Variants in SERPINA12 observed in about 807,000 individuals in gnomAD.
SERPINA12 encodes serpin family A member 12.
A neutral mutation model predicts 25.9 loss-of-function variants in SERPINA12; 21 were observed. That is an observed-to-expected ratio of 0.81 (90% CI 0.58 to 1.17). The LOEUF is 1.17. Ranked by LOEUF, SERPINA12 falls within the 50% of genes most tolerant of loss-of-function variation. SERPINA12 has a pLI of 0.00. For missense variants in SERPINA12, 562 were observed against 508.3 expected (o/e 1.11, Z -1.02); for synonymous variants, 220 against 196.0 (o/e 1.12, Z -1.02).
At chr14:94,517,352 A>G (rs1438405564) in intron 1 of SERPINA12, 2 of 152,200 alleles carry the variant, frequency 1.3e-5, no homozygotes, top group Non-Finnish European at 2.9e-5. Flanking sequence ...CTTCCCTACA[A>G]GAGGTACCTC....
At chr14:94,505,296 C>T (rs1489706003) in intron 1 of SERPINA12, among the ~76,000 whole-genome samples, 1 of 152,200 alleles carries the variant, frequency 6.6e-6, no homozygotes, top group African/African-American at 2.4e-5. Flanking sequence ...CCTGGTTCAG[C>T]CACAGACTCT....
chr14:94,499,307 C>G (rs1188690981), intron 1 of SERPINA12, among the ~76,000 whole-genome samples: 1 of 152,160 alleles, frequency 6.6e-6, no homozygotes, highest in Non-Finnish European at 1.5e-5. Context: ...CTGCCTGGCT[C>G]TGGACTGCTG....
At position 94,489,729 on chromosome 14, in the gene SERPINA12, C is replaced by A. The variant is rs1241016712; in HGVS notation, c.944G>T (p.Gly315Val). The A allele has an allele frequency of 6.2e-7, 1 of 1,614,148 alleles. No homozygotes were observed. The highest frequency in any genetic ancestry group is 8.5e-7 in the Non-Finnish European group (1 of 1,180,014). ...DVSVPRLHMTGTFDLKKTLSY... is the reference protein window; with the variant it reads ...DVSVPRLHMTVTFDLKKTLSY... ...GAGAGTCTTCTTCAGGTCGAAGGTGCCCGTCATGTGGAGTCTGGGTACAGA... is the reference window on the plus strand; with the variant it reads ...GAGAGTCTTCTTCAGGTCGAAGGTGACCGTCATGTGGAGTCTGGGTACAGA... The change falls in exon 4 of 5, where the codon GGC becomes GTC. Residue 315 changes from glycine (G) to valine (V), a missense_variant. Gly to Val is a moderately radical substitution (Grantham distance 109). Transcript: ENST00000677451.
intron 3 of SERPINA12, among the ~76,000 whole-genome samples, chr14:94,490,849 A>G (rs1900149745): frequency 6.6e-6 from 1 of 152,090 alleles, no homozygotes; most frequent in African/African-American, 2.4e-5. Flanking sequence ...AAGGTGAAGC[A>G]TTCCAGGTCC....
At chr14:94,499,804 C>T (rs1002304627) in intron 1 of SERPINA12, among the ~76,000 whole-genome samples, 1 of 152,190 alleles carries the variant, frequency 6.6e-6, no homozygotes, top group African/African-American at 2.4e-5. Context: ...GCCTGGTCCA[C>T]AGTGGGAGGG....
At chr14:94,508,761 C>A (rs1309126018) in intron 1 of SERPINA12, among the ~76,000 whole-genome samples, 1 of 152,078 alleles carries the variant, frequency 6.6e-6, no homozygotes, top group Admixed American at 6.5e-5. Context: ...TTATATATAT[C>A]AATAAGTAAC....
intron 3 of SERPINA12, among the ~76,000 whole-genome samples, chr14:94,490,147 C>G (rs1443584616): frequency 6.6e-6 from 1 of 152,146 alleles, no homozygotes. Flanking sequence ...AACAAGGCAC[C>G]CAGAATCTGG....
intron 3 of SERPINA12, 130 bp from the exon 4 acceptor site, chr14:94,489,897 A>G: frequency 1.1e-6 from 1 of 880,754 alleles, no homozygotes; most frequent in Non-Finnish European, 1.8e-6. Context: ...CCATCCACAG[A>G]ATGAGGAGGG....
chr14:94,492,526 A>G (rs1324998806), intron 3 of SERPINA12, among the ~76,000 whole-genome samples: 1 of 152,234 alleles, frequency 6.6e-6, no homozygotes, highest in Non-Finnish European at 1.5e-5. Context: ...GTTTCATGAT[A>G]GGAAAGATAA....
At chr14:94,508,959 C>G (rs1489484400) in intron 1 of SERPINA12, among the ~76,000 whole-genome samples, 1 of 152,122 alleles carries the variant, frequency 6.6e-6, no homozygotes, top group Non-Finnish European at 1.5e-5. Flanking sequence ...ATTTTTCATA[C>G]CAACTTTGCA....
In SERPINA12 at chr14:94,490,948, A is replaced by C. The variant is rs79532869; in HGVS notation, c.906-1181T>G. ...CTCTACCGGTGACACTGCTGCTTCC[A>C]GGCTCAGACCTTGGTCCCCTTCTCT... On this transcript the variant is annotated intron_variant, in intron 3 of 4. Transcript: ENST00000677451. Among the ~76,000 whole-genome samples, 791 of 152,174 alleles carry C rather than the reference A, an allele frequency of 5.2e-3. 8 individuals are homozygous for C. The highest frequency in any genetic ancestry group is 0.018 in the African/African-American group (758 of 41,514).
chr14:94,495,832 C>A (rs1043099421), intron 3 of SERPINA12, among the ~76,000 whole-genome samples: 2 of 152,220 alleles, frequency 1.3e-5, no homozygotes, highest in Non-Finnish European at 2.9e-5. Context: ...TATCAGTAAG[C>A]AAGTGCCTGG....
chr14:94,498,555 G>T, intron 1 of SERPINA12, 125 bp from the exon 2 acceptor site: 1 of 748,734 alleles, frequency 1.3e-6, no homozygotes, highest in Admixed American at 2.9e-5. Context: ...TGAGTGCTTT[G>T]ACCCCTTTAT....
At chr14:94,517,571 T>G (rs1044412518) in exon 1 of SERPINA12, 1 of 152,178 alleles carries the variant, frequency 6.6e-6, no homozygotes, top group Non-Finnish European at 1.5e-5. Context: ...TCCCATATGT[T>G]GGGCTGATAT....
chr14:94,502,655 C>A (rs1595696718), intron 1 of SERPINA12, among the ~76,000 whole-genome samples: 1 of 152,212 alleles, frequency 6.6e-6, no homozygotes, highest in African/African-American at 2.4e-5. Context: ...TAGTTGACCA[C>A]CCTACCTCTC....
At chr14:94,514,979 G>A (rs1901195946) in intron 2 of SERPINA12, among the ~76,000 whole-genome samples, 1 of 152,210 alleles carries the variant, frequency 6.6e-6, no homozygotes, top group Non-Finnish European at 1.5e-5. Context: ...GGTGGCCGGA[G>A]AAATGGTGCT....
chr14:94,493,804 A>C (rs924138460), intron 3 of SERPINA12, among the ~76,000 whole-genome samples: 5 of 152,192 alleles, frequency 3.3e-5, no homozygotes, highest in Admixed American at 1.3e-4. Context: ...GAAAATCTCA[A>C]AGGTTCTATT....
intron 1 of SERPINA12, among the ~76,000 whole-genome samples, chr14:94,505,494 G>A (rs1245488043): frequency 4.6e-5 from 7 of 152,220 alleles, no homozygotes; most frequent in Admixed American, 2.0e-4. Context: ...CACACTGGCC[G>A]GCTCTGGTCA....
chr14:94,509,279 AACACACACACACACACACAC>A (rs3065835), intron 1 of SERPINA12, among the ~76,000 whole-genome samples, 43 bp downstream of exon 1: 1 of 134,726 alleles, frequency 7.4e-6, no homozygotes, highest in Admixed American at 7.4e-5. Flanking sequence ...AGAAACAGAC[AACACACACACACACACACAC>A]ACACACACAC....
Sources: allele counts gnomAD v4.1 joint callset (sites outside exome capture counted in the v4.1 genomes callset), GRCh38; gene constraint gnomAD v4.1.1; transcripts MANE v1.5; gene names NCBI Gene and HGNC (gene_info 2026-07-23, HGNC 2026-07-21).